Variants in KAZN observed in about 807,000 individuals in gnomAD.
The protein encoded by KAZN is kazrin, periplakin interacting protein.
A neutral mutation model predicts 87.4 loss-of-function variants in KAZN; 40 were observed. That is an observed-to-expected ratio of 0.46 (90% CI 0.36 to 0.60). The LOEUF (loss-of-function observed/expected upper bound fraction) is 0.60, where lower values mean the gene tolerates loss of function less well. KAZN is among the 20% of genes least tolerant of loss of function. KAZN has a pLI of 0.00. For missense variants in KAZN, 898 were observed against 1,073.9 expected, an observed-to-expected ratio of 0.84 and a Z score of 2.29; for synonymous variants, 466 against 458.3, an observed-to-expected ratio of 1.02 and a Z score of -0.22.
At chr1:14,108,820 C>T (rs1043207155) in intron 1 of KAZN, among the ~76,000 whole-genome samples, 5 of 152,174 alleles carry the variant, frequency 3.3e-5, no homozygotes, top group South Asian at 2.1e-4. Context: ...TTTCCTGTTC[C>T]CATTCAGTCA....
Position 15,060,309 on chromosome 1 carries a change from C to CCAG in KAZN, c.1047+15_1047+17dup. On this transcript the variant is annotated splice_region_variant and intron_variant, in intron 6 of 14. Coordinates refer to ENST00000376030, the MANE Select transcript of KAZN (RefSeq NM_201628.3). The stretch of plus-strand genomic sequence containing the variant: ...GACACACTCCCTCTGCAACGTAAGG[C>CCAG]CAGCAGCAGCGGGGCCTGGGCCCCT... 2 of 1,614,112 alleles carry CCAG rather than the reference C, an allele frequency of 1.2e-6. No individual in the cohort carries two copies. The highest frequency in any genetic ancestry group is 2.2e-5 in the South Asian group (2 of 91,082).
chr1:14,205,104 A>C (rs1162577044), intron 2 of KAZN, among the ~76,000 whole-genome samples: 3 of 152,214 alleles, frequency 2.0e-5, no homozygotes. Flanking sequence ...AAGAGGCTGA[A>C]AGTTGCAGGT....
chr1:14,205,153 T>C (rs542668033), intron 2 of KAZN, among the ~76,000 whole-genome samples: 31 of 152,328 alleles, frequency 2.0e-4, no homozygotes, highest in Middle Eastern at 3.4e-3. Context: ...AGCCATCACT[T>C]ACACCTACAT....
intron 2 of KAZN, among the ~76,000 whole-genome samples, chr1:14,424,407 C>G (rs1665598297): frequency 6.6e-6 from 1 of 152,116 alleles, no homozygotes; most frequent in Non-Finnish European, 1.5e-5. Flanking sequence ...GGGTATAAGC[C>G]CAGATCTGAT....
chr1:14,844,126 C>A (rs1648378224), intron 1 of KAZN, among the ~76,000 whole-genome samples: 1 of 152,194 alleles, frequency 6.6e-6, no homozygotes, highest in South Asian at 2.1e-4. Flanking sequence ...CCTTTGACAT[C>A]TAGTCCAGAC....
rs1367378591 is a variant in KAZN at position 15,021,246 on chromosome 1, C to T, written c.419-13503C>T. On this transcript the variant is annotated intron_variant, in intron 2 of 14. Coordinates refer to ENST00000376030, the MANE Select transcript of KAZN (RefSeq NM_201628.3). The surrounding 1 kb of genome is among the most constrained non-coding windows in gnomAD (Gnocchi z 4.2). Reference sequence around the variant, plus strand: ...GACCGAGCCCAGGCCATTATCTTGCCTGCATACGACCTCACACACCCACAC... The same window carrying T: ...GACCGAGCCCAGGCCATTATCTTGCTTGCATACGACCTCACACACCCACAC... Among the ~76,000 whole-genome samples, 1 of 152,228 alleles carries T rather than the reference C, an allele frequency of 6.6e-6. No homozygotes were observed. The highest frequency in any genetic ancestry group is 1.5e-5 in the Non-Finnish European group (1 of 68,046).
At chr1:14,671,813 T>A (rs991345619) in intron 1 of KAZN, among the ~76,000 whole-genome samples, 7 of 152,238 alleles carry the variant, frequency 4.6e-5, no homozygotes, top group African/African-American at 9.6e-5. Context: ...CCCGTATTTT[T>A]TGAAAATTGG....
chr1:14,833,459 G>C (rs975834442), intron 1 of KAZN, among the ~76,000 whole-genome samples: 4 of 152,174 alleles, frequency 2.6e-5, no homozygotes, highest in Non-Finnish European at 5.9e-5. Flanking sequence ...TCAATATAGG[G>C]TACATTGTTG....
At position 14,961,021 on chromosome 1, in the gene KAZN, G is replaced by A. The variant is rs1329121662; in HGVS notation, c.418+146G>A. On this transcript the variant is annotated intron_variant, in intron 2 of 14. Transcript: ENST00000376030. Reference sequence around the variant, plus strand: ...GCTGTGGCTGCCCTGTCCCTTCTTCGAGTGGAATTCTGCATCTTGTGGGCT... The same window carrying A: ...GCTGTGGCTGCCCTGTCCCTTCTTCAAGTGGAATTCTGCATCTTGTGGGCT... 3.3e-5 allele frequency: 27 copies of A among 806,938 alleles called. No individual in the cohort carries two copies. In the Admixed American group the frequency reaches 4.3e-4, roughly 13 times the overall value. The allele number at this position is 806,938 out of a possible 1,614,324, so 50.0% of individuals were successfully genotyped here. A position where few individuals can be genotyped will look rare whatever the true frequency, so the allele number is the denominator to read the frequency against.
At chr1:14,761,271 C>A (rs186732097) in intron 1 of KAZN, among the ~76,000 whole-genome samples, 1 of 152,310 alleles carries the variant, frequency 6.6e-6, no homozygotes, top group Non-Finnish European at 1.5e-5. Flanking sequence ...ACTCAAGTGT[C>A]AGTTCAAATG....
At chr1:15,002,435 T>C (rs904714073) in intron 2 of KAZN, among the ~76,000 whole-genome samples, 6 of 151,590 alleles carry the variant, frequency 4.0e-5, no homozygotes, top group African/African-American at 1.5e-4. Flanking sequence ...GCACCCTGAG[T>C]TTTTCGTGCC....
At chr1:14,463,843 G>A (rs1163745896) in intron 2 of KAZN, among the ~76,000 whole-genome samples, 1 of 152,140 alleles carries the variant, frequency 6.6e-6, no homozygotes, top group Non-Finnish European at 1.5e-5. Flanking sequence ...TCTCAATGAA[G>A]CCCTGGTGTG....
chr1:13,974,225 C>T (rs1642232384), intron 1 of KAZN, among the ~76,000 whole-genome samples: 1 of 152,136 alleles, frequency 6.6e-6, no homozygotes, highest in Non-Finnish European at 1.5e-5. Context: ...AACTCCAGAC[C>T]CAGAAGAACA....
chr1:14,549,100 G>A (rs757312603), intron 2 of KAZN, among the ~76,000 whole-genome samples: 7 of 152,184 alleles, frequency 4.6e-5, no homozygotes, highest in East Asian at 1.9e-4. Flanking sequence ...ATAAAAGAGC[G>A]TACATGCTGA....
chr1:14,449,405 A>AT (rs1280722923), intron 2 of KAZN, among the ~76,000 whole-genome samples: 3 of 152,102 alleles, frequency 2.0e-5, no homozygotes, highest in African/African-American at 7.2e-5. Context: ...GAACCAGAAT[A>AT]TTTTGCCATC....
intron 1 of KAZN, among the ~76,000 whole-genome samples, chr1:14,713,580 G>T (rs1295022262): frequency 6.6e-6 from 1 of 151,966 alleles, no homozygotes; most frequent in East Asian, 1.9e-4. Context: ...CACGGTTGCT[G>T]CTAAACACTC....
chr1:14,896,296 G>A (rs572061047), intron 1 of KAZN, among the ~76,000 whole-genome samples: 44 of 152,194 alleles, frequency 2.9e-4, no homozygotes, highest in African/African-American at 9.6e-4. Flanking sequence ...CTCGTGATCC[G>A]CCTGCCTCGG....
At chr1:14,771,280 G>A (rs1209283352) in intron 1 of KAZN, among the ~76,000 whole-genome samples, 1 of 152,112 alleles carries the variant, frequency 6.6e-6, no homozygotes, top group Non-Finnish European at 1.5e-5. Flanking sequence ...AAATTGTTCT[G>A]GTTTTGAAAA....
rs1668022078 is a variant in KAZN at position 14,464,663 on chromosome 1, T to C, written c.250-134320T>C. Among the ~76,000 whole-genome samples, 3 of 152,068 alleles carry C rather than the reference T, an allele frequency of 2.0e-5. No individual in the cohort carries two copies. In the South Asian group the frequency reaches 6.2e-4, roughly 32 times the overall value. The stretch of plus-strand genomic sequence containing the variant: ...AAGCAATTCTCCTGCCTCAGCCTCC[T>C]GAGTGGCTGGGACTACAGATACATG... On this transcript the variant is annotated intron_variant, in intron 2 of 16. Coordinates refer to the KAZN transcript ENST00000636203.
Sources: allele counts gnomAD v4.1 joint callset (sites outside exome capture counted in the v4.1 genomes callset), GRCh38; gene constraint gnomAD v4.1.1; non-coding constraint Gnocchi (gnomAD v3.1); transcripts MANE v1.5; gene names NCBI Gene and HGNC (gene_info 2026-07-23, HGNC 2026-07-21).